CCND3: variants seen among roughly 807,000 people sequenced by gnomAD.
The protein encoded by CCND3 is G1/S-specific cyclin-D3.
Under a neutral mutation model 28.7 loss-of-function variants are expected in CCND3, and 9 were observed. The ratio of observed to expected loss-of-function variants is 0.31; its 90% CI spans 0.19 to 0.55. The LOEUF (loss-of-function observed/expected upper bound fraction) is 0.55, where lower values mean the gene tolerates loss of function less well. CCND3 is among the 20% of genes least tolerant of loss of function. CCND3 has a pLI of 0.93. For synonymous variants in CCND3, 164 were observed against 163.9 expected (o/e 1.00, Z 0.00); for missense variants, 315 against 385.8 (o/e 0.82, Z 1.54).
intron 1 of CCND3, among the ~76,000 whole-genome samples, chr6:41,951,560 AC>A (rs1776313676): frequency 3.6e-5 from 3 of 83,044 alleles, no homozygotes; most frequent in South Asian, 6.0e-4. Context: ...ACACACACAC[AC>A]ACACACACAC....
At chr6:41,943,510 T>G (rs745710082), upstream of CCND3, among the ~76,000 whole-genome samples, 9 of 152,236 alleles carry the variant, frequency 5.9e-5, no homozygotes, top group Non-Finnish European at 1.3e-4. Context: ...TTGGCAAACC[T>G]GTATTGGTGG....
chr6:41,951,908 G>A (rs796844943), intron 1 of CCND3, among the ~76,000 whole-genome samples: 8 of 151,944 alleles, frequency 5.3e-5, no homozygotes, highest in Non-Finnish European at 7.4e-5. Flanking sequence ...ACAGGTGCTC[G>A]CCACCACACT....
intron 1 of CCND3, among the ~76,000 whole-genome samples, chr6:42,041,007 CCCTGGCA>C (rs1764357325): frequency 6.6e-6 from 1 of 152,072 alleles, no homozygotes; most frequent in Non-Finnish European, 1.5e-5. Flanking sequence ...TTACAACAGC[CCCTGGCA>C]CATGGAAGTG....
intron 1 of CCND3, among the ~76,000 whole-genome samples, chr6:42,036,927 AT>A (rs1195577559): frequency 6.6e-6 from 1 of 151,558 alleles, no homozygotes; most frequent in Non-Finnish European, 1.5e-5. Flanking sequence ...ATGCTTATGG[AT>A]TTTTTGTTTT....
At chr6:41,977,208 C>T (rs182362744) in intron 1 of CCND3, among the ~76,000 whole-genome samples, 1 of 152,180 alleles carries the variant, frequency 6.6e-6, no homozygotes, top group Admixed American at 6.5e-5. Context: ...TTTCAAAGAC[C>T]AATAAAATTT....
At chr6:42,009,793 C>T (rs986333897) in intron 1 of CCND3, among the ~76,000 whole-genome samples, 1 of 151,954 alleles carries the variant, frequency 6.6e-6, no homozygotes, top group Non-Finnish European at 1.5e-5. Flanking sequence ...GGTGATAGAG[C>T]GAGACCCTGT....
At chr6:41,972,097 G>T (rs753433130) in intron 1 of CCND3, among the ~76,000 whole-genome samples, 1 of 150,600 alleles carries the variant, frequency 6.6e-6, no homozygotes, top group Non-Finnish European at 1.5e-5. Context: ...GCGTGGTGGC[G>T]GGCGCCTATA....
chr6:41,959,480 T>C (rs534989765), intron 1 of CCND3, among the ~76,000 whole-genome samples: 40 of 151,736 alleles, frequency 2.6e-4, no homozygotes, highest in East Asian at 9.7e-4. Flanking sequence ...GTCAGGAGAT[T>C]GAGACCATCC....
intron 1 of CCND3, among the ~76,000 whole-genome samples, chr6:42,022,638 G>A (rs1561991630): frequency 6.6e-6 from 1 of 152,228 alleles, no homozygotes; most frequent in South Asian, 2.1e-4. Context: ...TTCCCCAGGT[G>A]TTGATGCAGC....
rs2127388648 is a variant in CCND3, at chr6:41,935,576, T to G, written c.*364A>C. ...AAGGGACAACACCTTTAGAAGGCAC[T>G]AGAGCATTTTGGCAGTTGAAAACAT... On this transcript the variant is annotated 3_prime_UTR_variant, in exon 5 of 5. Transcript: ENST00000372991. 2.1e-6 allele frequency: 1 copy of G among 465,220 alleles called. No individual in the cohort carries two copies. Among genetic ancestry groups the G allele is most frequent in the African/African-American group, 1.9e-5 (1 of 51,644 alleles). 28.8% of individuals were successfully genotyped at this position (465,220 alleles called of 1,614,324 possible).
At chr6:41,989,852 G>T (rs1374126811) in intron 1 of CCND3, among the ~76,000 whole-genome samples, 1 of 152,062 alleles carries the variant, frequency 6.6e-6, no homozygotes, top group Non-Finnish European at 1.5e-5. Context: ...GAAAACTTAC[G>T]TGCACACAAA....
At chr6:41,979,405 G>T (rs538417446) in intron 1 of CCND3, among the ~76,000 whole-genome samples, 188 of 150,208 alleles carry the variant, frequency 1.3e-3, no homozygotes, top group African/African-American at 4.4e-3. Context: ...GTGGTGGCAG[G>T]CACCTGTAGT....
intron 1 of CCND3, among the ~76,000 whole-genome samples, chr6:41,958,710 A>AT (rs1372780300): frequency 6.6e-6 from 1 of 152,042 alleles, no homozygotes; most frequent in East Asian, 1.9e-4. Flanking sequence ...GAATCTTCTA[A>AT]TTTTTTTGGT....
At chr6:42,020,174 G>C (rs1763659388) in intron 1 of CCND3, among the ~76,000 whole-genome samples, 1 of 152,136 alleles carries the variant, frequency 6.6e-6, no homozygotes, top group Non-Finnish European at 1.5e-5. Flanking sequence ...AGCTACTCAG[G>C]AGGCTGAGGC....
intron 1 of CCND3, among the ~76,000 whole-genome samples, chr6:42,047,765 G>A (rs1215739996): frequency 6.6e-6 from 1 of 152,152 alleles, no homozygotes; most frequent in Non-Finnish European, 1.5e-5. Flanking sequence ...CCAGTTCTGT[G>A]GAATAAGTGC....
rs939469791 is a variant in CCND3 at position 42,004,596 on chromosome 6, G to T, written c.-46+43905C>A. On this transcript the variant is annotated intron_variant, in intron 1 of 4. Transcript: ENST00000372988. ...AAATACAAAAAAATAGCCAGGTGTG[G>T]TGGTGGGCACCTGTAATCCCAGCTA... Among the ~76,000 whole-genome samples the T allele has an allele frequency of 2.0e-5, 3 of 152,126 alleles. No homozygotes were observed. The South Asian group carries it at 6.2e-4, about 32-fold the overall frequency.
chr6:41,972,240 A>AAAAGAAAAGAAAAGAAAAG lies in CCND3; in HGVS notation c.-45-31656_-45-31655insCTTTTCTTTTCTTTTCTTT, dbSNP rs59527289. On this transcript the variant is annotated intron_variant, in intron 1 of 4. Transcript: ENST00000372988. ...GAGACTCCATCTCAAAAAAAAAAAA[A>AAAAGAAAAGAAAAGAAAAG]AAAAGAAAAGAAAAGAAAAGAGATA... Among the ~76,000 whole-genome samples, 226 of 99,686 alleles carry AAAAGAAAAGAAAAGAAAAG rather than the reference A, an allele frequency of 2.3e-3. 1 individual carries two copies. The highest frequency in any genetic ancestry group is 8.2e-3 in the African/African-American group (211 of 25,868). The allele number at this position is 99,686 out of a possible 152,430, so 65.4% of individuals were successfully genotyped here.
Position 41,958,318 on chromosome 6 carries a change from T to C in CCND3, c.-45-17733A>G, listed in dbSNP as rs375854363. On this transcript the variant is annotated intron_variant, in intron 1 of 4. Coordinates refer to the CCND3 transcript ENST00000372988. ...GGCCTACTTTTTCATTTTTAAATTG[T>C]CATTAGGGTTGTTACAGCATGGAGC... 1.5e-3 allele frequency among the ~76,000 whole-genome samples: 223 copies of C among 152,216 alleles called. 5 individuals carry two copies. The South Asian group carries it at 0.045, about 31-fold the overall frequency.
chr6:42,036,324 A>ATAT (rs201680804), intron 1 of CCND3, among the ~76,000 whole-genome samples: 2 of 134,218 alleles, frequency 1.5e-5, no homozygotes, highest in African/African-American at 5.4e-5. Context: ...ATATATATAT[A>ATAT]AAATATATAT....
Sources: allele counts gnomAD v4.1 joint callset (sites outside exome capture counted in the v4.1 genomes callset), GRCh38; gene constraint gnomAD v4.1.1; transcripts MANE v1.5; gene names NCBI Gene and HGNC (gene_info 2026-07-23, HGNC 2026-07-21).